Variants in C8orf76 observed in about 807,000 individuals in gnomAD.
C8orf76 encodes chromosome 8 open reading frame 76, also known as uncharacterized protein C8orf76.
In C8orf76, 46 loss-of-function variants were observed where a neutral mutation model predicts 38.1. That is an observed-to-expected ratio of 1.21 (90% CI 0.95 to 1.54). The LOEUF (loss-of-function observed/expected upper bound fraction) is 1.54. Ranked by LOEUF, C8orf76 falls within the 40% of genes most tolerant of loss-of-function variation. The probability of loss-of-function intolerance (pLI) is 0.00; values close to 1 mark genes in which losing one functional copy is unlikely to be tolerated. For missense variants in C8orf76, 461 were observed against 441.6 expected (o/e 1.04, Z -0.39); for synonymous variants, 166 against 167.5 (o/e 0.99, Z 0.07).
intron 3 of C8orf76, 90 bp downstream of exon 3, chr8:123,237,708 C>A: frequency 1.4e-6 from 2 of 1,447,162 alleles, no homozygotes; most frequent in South Asian, 1.6e-5. Flanking sequence ...GATTTTGCTA[C>A]TAGCAAGAAG....
chr8:123,231,254 ACT>A (rs1225424110), intron 4 of C8orf76, 44 bp downstream of exon 4: 2 of 1,552,882 alleles, frequency 1.3e-6, no homozygotes, highest in East Asian at 4.5e-5. Flanking sequence ...TAAAGCCTTT[ACT>A]CTGAGCTGAT....
Position 123,239,282 on chromosome 8 carries a change from T to C in C8orf76, c.118-138A>G, listed in dbSNP as rs189973141. The stretch of plus-strand genomic sequence containing the variant: ...GAGTCTGGCCAGGTTAGTCTTGAAC[T>C]CCTGAGCACAAGTGATCCTGCCTCT... On this transcript the variant is annotated intron_variant, in intron 1 of 5. Coordinates refer to ENST00000276704, the MANE Select transcript of C8orf76 (RefSeq NM_032847.3). The C allele has an allele frequency of 3.9e-4, 334 of 863,478 alleles. No individual in the cohort carries two copies. The African/African-American group carries it at 5.2e-3, about 13-fold the overall frequency. The allele number at this position is 863,478 out of a possible 1,614,324, so 53.5% of individuals were successfully genotyped here.
At chr8:123,240,012 A>G (rs2131168137) in intron 1 of C8orf76, 1 of 152,242 alleles carries the variant, frequency 6.6e-6, no homozygotes, top group African/African-American at 2.4e-5. Context: ...AAAGAAAAAA[A>G]TCACTTCATT....
At chr8:123,238,899 G>A (rs1051344421) in intron 2 of C8orf76, 150 bp downstream of exon 2, 27 of 715,860 alleles carry the variant, frequency 3.8e-5, no homozygotes, top group East Asian at 8.7e-5. Context: ...AGAAAAGAAC[G>A]GAAACTTGGG....
intron 4 of C8orf76, among the ~76,000 whole-genome samples, chr8:123,229,418 C>A (rs1409876602): frequency 6.6e-6 from 1 of 152,204 alleles, no homozygotes; most frequent in Non-Finnish European, 1.5e-5. Context: ...AGTCAACTGA[C>A]AAGGGTTCCT....
chr8:123,230,862 C>T (rs1825235085), intron 4 of C8orf76, among the ~76,000 whole-genome samples: 1 of 152,168 alleles, frequency 6.6e-6, no homozygotes, highest in African/African-American at 2.4e-5. Flanking sequence ...GTTGGCCAGG[C>T]TGGTCTCGAT....
chr8:123,231,906 TCTCATG>T, intron 3 of C8orf76, 149 bp from the exon 4 acceptor site: 2 of 868,928 alleles, frequency 2.3e-6, no homozygotes, highest in Non-Finnish European at 3.3e-6. Context: ...TTTCAATATA[TCTCATG>T]TTTGAAACCG....
chr8:123,221,152 G>A (rs1563795676), intron 5 of C8orf76, among the ~76,000 whole-genome samples: 1 of 152,148 alleles, frequency 6.6e-6, no homozygotes, highest in East Asian at 1.9e-4. Context: ...TTGCGGACTG[G>A]GTTTAAATCT....
Position 123,238,723 on chromosome 8 carries a change from C to T in C8orf76, c.213+326G>A, listed in dbSNP as rs6995021. ...CTAGTTGTTAGTTCTTTTTCTTATA[C>T]ATTTTGGGGTGATTTGCTCCTGTGG... On this transcript the variant is annotated intron_variant, in intron 2 of 5. Coordinates refer to ENST00000276704, the MANE Select transcript of C8orf76 (RefSeq NM_032847.3). 1,749 of 186,856 alleles carry T rather than the reference C, an allele frequency of 9.4e-3. 24 individuals carry two copies. The highest frequency in any genetic ancestry group is 0.038 in the African/African-American group (1,614 of 42,946). 11.6% of individuals were successfully genotyped at this position (186,856 alleles called of 1,614,324 possible). A position where few individuals can be genotyped will look rare whatever the true frequency, so the allele number is the denominator to read the frequency against.
At position 123,226,487 on chromosome 8, in the gene C8orf76, G is replaced by A. The variant is rs778105008; in HGVS notation, c.948+13C>T. The A allele has an allele frequency of 1.2e-6, 2 of 1,608,302 alleles. No individual in the cohort carries two copies. The highest frequency in any genetic ancestry group is 2.2e-5 in the East Asian group (1 of 44,702). ...GATGCTTCGTTTCACATAAACCCGA[G>A]GGATACACTCACCTCAGCTATCAAC... is the stretch of plus-strand genomic sequence containing the variant. On this transcript the variant is annotated intron_variant, in intron 5 of 5. Coordinates refer to ENST00000276704, the MANE Select transcript of C8orf76 (RefSeq NM_032847.3).
rs1812157207 is a variant in C8orf76, at chr8:123,238,003, A to C, written c.214-62T>G. ...GAAAACATAACAGAAAAAAGGATTC[A>C]GAATAGGGGTGATTTTTTTTCCTAG... On this transcript the variant is annotated intron_variant, in intron 2 of 5. Transcript: ENST00000276704. The C allele has an allele frequency of 4.5e-6, 7 of 1,538,908 alleles. No homozygotes were observed. In the South Asian group the frequency reaches 7.6e-5, roughly 17 times the overall value.
At chr8:123,232,354 T>C (rs532759356) in intron 3 of C8orf76, among the ~76,000 whole-genome samples, 1 of 152,304 alleles carries the variant, frequency 6.6e-6, no homozygotes, top group Non-Finnish European at 1.5e-5. Flanking sequence ...CCAAAAGGGG[T>C]TGCTTAGTTT....
chr8:123,223,413 G>C (rs1186706826), intron 5 of C8orf76, among the ~76,000 whole-genome samples: 1 of 152,162 alleles, frequency 6.6e-6, no homozygotes, highest in Non-Finnish European at 1.5e-5. Flanking sequence ...TTCGAGACCA[G>C]CCTGGCCAAT....
In C8orf76 at chr8:123,231,336, G is replaced by A. The variant is rs902395846; in HGVS notation, c.779C>T (p.Thr260Ile). The A allele has an allele frequency of 2.5e-6, 4 of 1,612,824 alleles. No homozygotes were observed. The highest frequency in any genetic ancestry group is 3.4e-6 in the Non-Finnish European group (4 of 1,179,728). The change falls in exon 4 of 6, where the codon ACT (threonine) becomes ATT (isoleucine). Residue 260 changes from threonine (T) to isoleucine (I), a missense_variant. Thr to Ile is a moderately conservative substitution (Grantham distance 89). Coordinates refer to ENST00000276704, the MANE Select transcript of C8orf76 (RefSeq NM_032847.3). ...AAAAGAGGCACATGCTTTCAGCTGA[G>A]TCTCTATCAACACTGTTTCTCTCTT... is the stretch of plus-strand genomic sequence containing the variant. The part of the protein sequence containing the change: ...AEKRETVLIE[T>I]QLKACASFIR...
intron 4 of C8orf76, 36 bp downstream of exon 4, chr8:123,231,263 TG>T: frequency 6.4e-7 from 1 of 1,565,942 alleles, no homozygotes; most frequent in Non-Finnish European, 8.6e-7. Flanking sequence ...TACTCTGAGC[TG>T]ATTACCAAGC....
chr8:123,240,463 CG>C lies in C8orf76; in HGVS notation c.117+766del, dbSNP rs536558655. Among the ~76,000 whole-genome samples, 246 of 152,274 alleles carry C rather than the reference CG, an allele frequency of 1.6e-3. 1 individual carries two copies. Among genetic ancestry groups the C allele is most frequent in the African/African-American group, 5.8e-3 (242 of 41,552 alleles). On this transcript the variant is annotated intron_variant, in intron 1 of 5. Transcript: ENST00000276704. ...CCCACCACAGTGCCCGGAACACTTCCGTATTTTCCATAAATATTAGTTTTGA... is the reference window on the plus strand; with the variant it reads ...CCCACCACAGTGCCCGGAACACTTCCTATTTTCCATAAATATTAGTTTTGA...
intron 3 of C8orf76, among the ~76,000 whole-genome samples, chr8:123,234,978 C>T (rs779471997): frequency 2.0e-5 from 3 of 151,982 alleles, no homozygotes; most frequent in Non-Finnish European, 4.4e-5. Flanking sequence ...AAAAAAAGAG[C>T]TGATGTATAT....
chr8:123,234,337 T>TA (rs1441264870), intron 3 of C8orf76, among the ~76,000 whole-genome samples: 2 of 152,028 alleles, frequency 1.3e-5, no homozygotes, highest in East Asian at 3.9e-4. Flanking sequence ...AAAAGGTACT[T>TA]ACGAAGAGCT....
chr8:123,229,793 G>C (rs1444632720), intron 4 of C8orf76, among the ~76,000 whole-genome samples: 1 of 152,154 alleles, frequency 6.6e-6, no homozygotes. Context: ...GAGGCGGGTG[G>C]ATCACCTGAG....
Sources: allele counts gnomAD v4.1 joint callset (sites outside exome capture counted in the v4.1 genomes callset), GRCh38; gene constraint gnomAD v4.1.1; transcripts MANE v1.5; gene names NCBI Gene and HGNC (gene_info 2026-07-23, HGNC 2026-07-21).